Variants in TSHZ3 observed in about 807,000 individuals in gnomAD.
TSHZ3 encodes teashirt homolog 3.
A neutral mutation model predicts 64.5 loss-of-function variants in TSHZ3; 10 were observed. The ratio of observed to expected loss-of-function variants is 0.16; its 90% CI spans 0.10 to 0.26. The LOEUF (loss-of-function observed/expected upper bound fraction) is 0.26. Ranked by LOEUF, TSHZ3 falls within the 10% of genes least tolerant of loss-of-function variation. The pLI, the probability that TSHZ3 is intolerant of heterozygous loss-of-function variation, is 1.00. For missense variants in TSHZ3, 1,242 were observed against 1,421.7 expected (o/e 0.87, Z 2.03); for synonymous variants, 608 against 593.1 (o/e 1.03, Z -0.36).
At chr19:31,346,412 G>A (rs1469370433) in intron 1 of TSHZ3, among the ~76,000 whole-genome samples, 1 of 152,202 alleles carries the variant, frequency 6.6e-6, no homozygotes, top group African/African-American at 2.4e-5. Flanking sequence ...ACCTAATTCT[G>A]CTGGATGACA....
chr19:31,177,281 G>T (rs1974624368), intron 5 of TSHZ3, among the ~76,000 whole-genome samples: 1 of 152,196 alleles, frequency 6.6e-6, no homozygotes, highest in Admixed American at 6.5e-5. Flanking sequence ...GGATTTGGGA[G>T]GAGTGAGATG....
chr19:31,214,602 G>T (rs903385691), intron 4 of TSHZ3, among the ~76,000 whole-genome samples: 1 of 152,248 alleles, frequency 6.6e-6, no homozygotes, highest in African/African-American at 2.4e-5. Flanking sequence ...GGGTCCTGAA[G>T]ACCTATTTCC....
chr19:31,249,309 G>A (rs1599604255), intron 1 of TSHZ3, among the ~76,000 whole-genome samples: 1 of 152,200 alleles, frequency 6.6e-6, no homozygotes, highest in Admixed American at 6.5e-5. Context: ...CCCACCCAAC[G>A]CTTGAAACGC....
chr19:31,231,786 C>T (rs973330028), intron 3 of TSHZ3, among the ~76,000 whole-genome samples: 18 of 152,148 alleles, frequency 1.2e-4, no homozygotes, highest in African/African-American at 4.1e-4. Context: ...CTTCACAAGT[C>T]GTGCCTAGGA....
In TSHZ3 at chr19:31,253,168, A is replaced by G. The variant is rs143957542; in HGVS notation, n.64-10293T>C. Among the ~76,000 whole-genome samples the G allele has an allele frequency of 6.1e-3, 923 of 152,300 alleles. 12 individuals carry two copies. The highest frequency in any genetic ancestry group is 0.021 in the African/African-American group (881 of 41,566). On this transcript the variant is annotated intron_variant and non_coding_transcript_variant, in intron 1 of 6. Coordinates refer to the TSHZ3 transcript ENST00000651361. ...GTGAGGTATCCTCGTGCAAATCCCA[A>G]GACAAGGTGTTCCCAGGGACAGGGG...
At position 31,276,304 on chromosome 19, in the gene TSHZ3, C is replaced by T. The variant is rs928542695; in HGVS notation, c.*243G>A. On this transcript the variant is annotated 3_prime_UTR_variant, in exon 2 of 2. Transcript: ENST00000240587. ...TCGGGAGGATGCTCACAACTAAATC[C>T]CGTTTACACAAAGTTCCAAACACTT... The T allele has an allele frequency of 1.7e-5, 6 of 361,514 alleles. No homozygotes were observed. Among genetic ancestry groups the T allele is most frequent in the Non-Finnish European group, 2.5e-5 (5 of 202,024 alleles). The allele number at this position is 361,514 out of a possible 1,614,324, so 22.4% of individuals were successfully genotyped here.
Position 31,279,349 on chromosome 19 carries a change from G to A in TSHZ3, c.444C>T (p.Gly148=). The change falls in exon 2 of 2, where the codon GGC becomes GGT. Residue 148 remains glycine, a synonymous_variant. Coordinates refer to ENST00000240587, the MANE Select transcript of TSHZ3 (RefSeq NM_020856.4). This position sits in a 1 kb window ranked among gnomAD's most constrained non-coding sequence, Gnocchi z 6.4. The part of the protein sequence containing the change: ...LHQPSSEKNN[G]SSSSSSSSSS... ...TGCTGCTACTGCTGCTGCTGCTGCT[G>A]CCGTTGTTCTTCTCCGAGGAGGGCT... The A allele has an allele frequency of 6.2e-7, 1 of 1,614,126 alleles. No homozygotes were observed. The highest frequency in any genetic ancestry group is 8.5e-7 in the Non-Finnish European group (1 of 1,179,992).
chr19:31,248,588 C>T (rs927608514), intron 1 of TSHZ3, among the ~76,000 whole-genome samples: 8 of 150,824 alleles, frequency 5.3e-5, no homozygotes, highest in Admixed American at 1.3e-4. Context: ...TCCAGACCAG[C>T]CCAGGCAACA....
In TSHZ3 at chr19:31,300,758, G is replaced by A. The variant is rs538740004; in HGVS notation, c.41-21006C>T. Among the ~76,000 whole-genome samples, 48 of 152,160 alleles carry A rather than the reference G, an allele frequency of 3.2e-4. No homozygotes were observed. In the South Asian group the frequency reaches 9.6e-3, roughly 30 times the overall value. ...AGTTTAATTTTCAGGAGAGATTCTC[G>A]GTAGGAAGTCACAGCCCCAAATGCA... On this transcript the variant is annotated intron_variant, in intron 1 of 1. Coordinates refer to ENST00000240587, the MANE Select transcript of TSHZ3 (RefSeq NM_020856.4).
intron 1 of TSHZ3, among the ~76,000 whole-genome samples, chr19:31,323,531 T>C (rs1916839014): frequency 6.6e-6 from 1 of 152,130 alleles, no homozygotes; most frequent in South Asian, 2.1e-4. Flanking sequence ...TTGTTGTGGG[T>C]TTTGTTGTTC....
At chr19:31,180,130 G>A (rs776384604) in intron 5 of TSHZ3, among the ~76,000 whole-genome samples, 1 of 152,106 alleles carries the variant, frequency 6.6e-6, no homozygotes, top group Non-Finnish European at 1.5e-5. Flanking sequence ...AGCTCCTCTA[G>A]GTAAGTTTAG....
At chr19:31,241,304 A>G (rs1194893022) in intron 3 of TSHZ3, among the ~76,000 whole-genome samples, 1 of 152,164 alleles carries the variant, frequency 6.6e-6, no homozygotes, top group Admixed American at 6.5e-5. Context: ...TTGGGGCTTC[A>G]ATTTGGACTC....
Position 31,179,833 on chromosome 19 carries a change from G to T in TSHZ3, n.810-23416C>A, listed in dbSNP as rs565514164. Among the ~76,000 whole-genome samples the T allele has an allele frequency of 1.7e-3, 263 of 151,690 alleles. 2 individuals are homozygous for T. Among genetic ancestry groups the T allele is most frequent in the Admixed American group, 7.4e-3 (113 of 15,234 alleles). On this transcript the variant is annotated intron_variant and non_coding_transcript_variant, in intron 5 of 6. Coordinates refer to the TSHZ3 transcript ENST00000651361. ...GATGGTGGTGGTGATGATGGAGGTG[G>T]TGGTGGTGGTGGTGGTAGTAAAGAT...
intron 1 of TSHZ3, 61 bp downstream of exon 1, chr19:31,349,119 G>T: frequency 6.6e-7 from 1 of 1,515,724 alleles, no homozygotes. Flanking sequence ...GCCCGCTGGA[G>T]GCGCGGGGCG....
chr19:31,207,465 G>A (rs1975197541), intron 4 of TSHZ3: 1 of 152,054 alleles, frequency 6.6e-6, no homozygotes, highest in South Asian at 2.1e-4. Flanking sequence ...TCAAGTCACA[G>A]GGAGAAGCAA....
At chr19:31,205,404 G>C (rs992470573) in intron 4 of TSHZ3, among the ~76,000 whole-genome samples, 1 of 152,090 alleles carries the variant, frequency 6.6e-6, no homozygotes, top group Admixed American at 6.5e-5. Context: ...TGCATTCACT[G>C]CAAGTCTGCG....
At chr19:31,245,796 G>C (rs1280259946) in intron 1 of TSHZ3, among the ~76,000 whole-genome samples, 2 of 152,162 alleles carry the variant, frequency 1.3e-5, no homozygotes, top group African/African-American at 4.8e-5. Flanking sequence ...CCATCCTGTG[G>C]TGCCCAAGAA....
intron 1 of TSHZ3, among the ~76,000 whole-genome samples, chr19:31,244,313 C>A (rs959928349): frequency 6.6e-6 from 1 of 152,092 alleles, no homozygotes; most frequent in African/African-American, 2.4e-5. Context: ...TCTCTCTCTT[C>A]CTCCTGCTCT....
At chr19:31,302,190 C>G (rs943426661) in intron 1 of TSHZ3, among the ~76,000 whole-genome samples, 2 of 152,184 alleles carry the variant, frequency 1.3e-5, no homozygotes, top group African/African-American at 2.4e-5. Flanking sequence ...CTAGGGTGCA[C>G]AGGAGTGACC....
Sources: gnomAD v4.1 joint callset for allele counts (sites outside exome capture counted in the v4.1 genomes callset) on GRCh38, gnomAD v4.1.1 for gene constraint, Gnocchi (gnomAD v3.1) non-coding constraint, MANE v1.5 for transcripts, NCBI Gene and HGNC (gene_info 2026-07-23, HGNC 2026-07-21) for gene names.